Variants in ZBTB20 observed in about 807,000 individuals in gnomAD.
The protein encoded by ZBTB20 is zinc finger and BTB domain containing 20.
Under a neutral mutation model 56.9 loss-of-function variants are expected in ZBTB20, and 9 were observed. The observed-to-expected ratio is 0.16, with a 90% CI of 0.10 to 0.28. ZBTB20 has a LOEUF of 0.28. ZBTB20 is among the 10% of genes least tolerant of loss of function. The pLI is 1.00. For missense variants in ZBTB20, 655 were observed against 1,003.0 expected, an observed-to-expected ratio of 0.65 and a Z score of 4.69; for synonymous variants, 417 against 420.7, an observed-to-expected ratio of 0.99 and a Z score of 0.11.
chr3:115,109,801 A>G (rs1354798055), intron 1 of ZBTB20, among the ~76,000 whole-genome samples: 2 of 152,234 alleles, frequency 1.3e-5, no homozygotes, highest in African/African-American at 4.8e-5. Flanking sequence ...GGAAAAGTAT[A>G]TTAAGTATCT....
intron 10 of ZBTB20, among the ~76,000 whole-genome samples, chr3:114,360,344 CT>C (rs11295159): frequency 0.88 from 98,473 of 111,786 alleles, 43,386 homozygotes; most frequent in East Asian, 0.97. Context: ...GCAAGATTTT[CT>C]TTTTTTTTTT....
At chr3:115,044,997 GAAC>G (rs1011023216) in intron 2 of ZBTB20, among the ~76,000 whole-genome samples, 51 of 152,256 alleles carry the variant, frequency 3.3e-4, no homozygotes, top group African/African-American at 1.2e-3. Flanking sequence ...GGAAAAGGAA[GAAC>G]ACTCTTTAAA....
chr3:114,377,340 A>T (rs1448609870), intron 10 of ZBTB20, among the ~76,000 whole-genome samples: 1 of 152,222 alleles, frequency 6.6e-6, no homozygotes, highest in Non-Finnish European at 1.5e-5. Context: ...CAGCAATATT[A>T]ACCTCATCAT....
chr3:114,385,329 C>T (rs9881173), intron 8 of ZBTB20, among the ~76,000 whole-genome samples: 82,560 of 151,906 alleles, frequency 0.54, 22,715 homozygotes, highest in East Asian at 0.86. Flanking sequence ...AGGGTGGTAG[C>T]GGAACTGCGC....
intron 6 of ZBTB20, among the ~76,000 whole-genome samples, chr3:114,527,032 A>G (rs1172268347): frequency 6.6e-6 from 1 of 152,216 alleles, no homozygotes; most frequent in Non-Finnish European, 1.5e-5. Flanking sequence ...TTCTTTGAAC[A>G]TAACAAATGG....
At chr3:114,384,431 C>T (rs536249149) in intron 8 of ZBTB20, among the ~76,000 whole-genome samples, 225 of 151,960 alleles carry the variant, frequency 1.5e-3, no homozygotes, top group Non-Finnish European at 2.4e-3. Context: ...TTGTGCACTT[C>T]CTCCCGCCAC....
intron 7 of ZBTB20, among the ~76,000 whole-genome samples, chr3:114,449,815 T>C (rs2091492039): frequency 6.6e-6 from 1 of 152,150 alleles, no homozygotes; most frequent in East Asian, 1.9e-4. Flanking sequence ...ATCTTTGCTC[T>C]GTAAGCACAG....
At chr3:115,108,317 T>C (rs151008663) in intron 1 of ZBTB20, among the ~76,000 whole-genome samples, 3 of 152,286 alleles carry the variant, frequency 2.0e-5, no homozygotes, top group Non-Finnish European at 4.4e-5. Context: ...GGGAATGGAA[T>C]TGTCCTCTTT....
chr3:114,443,133 C>A (rs1204517454), intron 7 of ZBTB20, among the ~76,000 whole-genome samples: 1 of 152,060 alleles, frequency 6.6e-6, no homozygotes, highest in Non-Finnish European at 1.5e-5. Context: ...AAAGTAAAAT[C>A]TAAGGACATT....
chr3:115,107,952 C>G (rs1319067974), intron 1 of ZBTB20, among the ~76,000 whole-genome samples: 1 of 152,084 alleles, frequency 6.6e-6, no homozygotes. Context: ...CACATGGACA[C>G]AGGGAGAGGA....
intron 6 of ZBTB20, among the ~76,000 whole-genome samples, chr3:114,675,862 C>T (rs2061597529): frequency 6.7e-6 from 1 of 148,880 alleles, no homozygotes; most frequent in Admixed American, 6.7e-5. Context: ...ACAACAACAG[C>T]AGTAACAATA....
At chr3:115,036,209 A>ATT (rs2080911979) in intron 2 of ZBTB20, among the ~76,000 whole-genome samples, 1 of 152,220 alleles carries the variant, frequency 6.6e-6, no homozygotes, top group Non-Finnish European at 1.5e-5. Flanking sequence ...TACAGTTAAA[A>ATT]TTGAATAAGG....
At chr3:114,642,563 C>T (rs534720124) in intron 6 of ZBTB20, among the ~76,000 whole-genome samples, 3 of 152,068 alleles carry the variant, frequency 2.0e-5, no homozygotes, top group East Asian at 3.9e-4. Context: ...GCAGTAGTTA[C>T]GGTACCACAA....
intron 7 of ZBTB20, among the ~76,000 whole-genome samples, chr3:114,483,916 TCAAAGGA>T (rs1190401931): frequency 6.6e-6 from 1 of 151,780 alleles, no homozygotes; most frequent in African/African-American, 2.4e-5. Context: ...GAACTAAGGT[TCAAAGGA>T]CCTTCTTAGT....
At chr3:114,519,727 A>C (rs1365853810) in intron 6 of ZBTB20, 3 of 152,220 alleles carry the variant, frequency 2.0e-5, no homozygotes, top group Admixed American at 6.5e-5. Flanking sequence ...CTGGAGAGAT[A>C]AAGGTAAGAC....
At position 115,118,136 on chromosome 3, in the gene ZBTB20, T is replaced by C. The variant is rs561413195; in HGVS notation, c.-703+29083A>G. Among the ~76,000 whole-genome samples the C allele has an allele frequency of 2.0e-5, 3 of 152,354 alleles. No individual in the cohort carries two copies. The South Asian group carries it at 6.2e-4, about 32-fold the overall frequency. ...AAATATTCATTACATAGTAATCCAATTTCTACCTTTCTTCCCAAACCAGAA... is the reference window on the plus strand; with the variant it reads ...AAATATTCATTACATAGTAATCCAACTTCTACCTTTCTTCCCAAACCAGAA... On this transcript the variant is annotated intron_variant, in intron 1 of 11. Coordinates refer to ENST00000675478, the MANE Select transcript of ZBTB20 (RefSeq NM_001348800.3).
chr3:115,108,594 T>C (rs1237170393), intron 1 of ZBTB20, among the ~76,000 whole-genome samples: 1 of 152,212 alleles, frequency 6.6e-6, no homozygotes, highest in African/African-American at 2.4e-5. Context: ...GAAAGGATAA[T>C]GTATATTCTA....
At chr3:114,602,740 A>G (rs928412085) in intron 6 of ZBTB20, among the ~76,000 whole-genome samples, 2 of 151,928 alleles carry the variant, frequency 1.3e-5, no homozygotes, top group African/African-American at 4.8e-5. Flanking sequence ...TATATGGGGG[A>G]AAAAAGGCTT....
chr3:114,859,129 G>C (rs2107472325), intron 4 of ZBTB20, among the ~76,000 whole-genome samples: 1 of 119,856 alleles, frequency 8.3e-6, no homozygotes, highest in Non-Finnish European at 1.7e-5. Context: ...TTTCACAAGA[G>C]CATTTCACAT....
Sources: gnomAD v4.1 joint callset for allele counts (sites outside exome capture counted in the v4.1 genomes callset) on GRCh38, gnomAD v4.1.1 for gene constraint, MANE v1.5 for transcripts, NCBI Gene and HGNC (gene_info 2026-07-23, HGNC 2026-07-21) for gene names.